The following CSGALNACT1 variants were observed in gnomAD, a reference collection of about 807,000 sequenced individuals.
CSGALNACT1 encodes the protein beta4GalNAcT-1.
A neutral mutation model predicts 51.0 loss-of-function variants in CSGALNACT1; 52 were observed. That is an observed-to-expected ratio of 1.02 (90% CI 0.82 to 1.29). The LOEUF is 1.29. Among genes scored for constraint, CSGALNACT1 ranks in the 50% most tolerant of loss-of-function variants. The pLI is 0.00. For synonymous variants in CSGALNACT1, 341 were observed against 254.4 expected (o/e 1.34, Z -3.24); for missense variants, 935 against 679.2 (o/e 1.38, Z -4.19).
intron 1 of CSGALNACT1, among the ~76,000 whole-genome samples, chr8:19,747,680 C>T (rs2064764942): frequency 6.6e-6 from 1 of 152,152 alleles, no homozygotes; most frequent in African/African-American, 2.4e-5. Context: ...CATTGCTTTG[C>T]ATTTGATTAA....
At chr8:19,433,212 C>CTGA (rs1423821329) in intron 6 of CSGALNACT1, among the ~76,000 whole-genome samples, 1 of 152,178 alleles carries the variant, frequency 6.6e-6, no homozygotes, top group African/African-American at 2.4e-5. Context: ...GTAAGTCTCT[C>CTGA]TGATTTCGCT....
intron 1 of CSGALNACT1, among the ~76,000 whole-genome samples, chr8:19,625,254 C>G (rs1383083644): frequency 1.3e-5 from 2 of 152,102 alleles, no homozygotes; most frequent in African/African-American, 4.8e-5. Flanking sequence ...AAACTGCAGT[C>G]TATTAAGGAG....
At chr8:19,705,097 T>C (rs1237793972) in intron 1 of CSGALNACT1, among the ~76,000 whole-genome samples, 1 of 151,910 alleles carries the variant, frequency 6.6e-6, no homozygotes, top group South Asian at 2.1e-4. Flanking sequence ...CACAAAAAGG[T>C]ACTATGTGAG....
intron 1 of CSGALNACT1, among the ~76,000 whole-genome samples, chr8:19,666,811 G>A (rs1480742270): frequency 3.8e-5 from 1 of 26,354 alleles, no homozygotes; most frequent in Non-Finnish European, 6.7e-5. Context: ...AAGAAAGAAA[G>A]AGAGAGAGAG....
chr8:19,629,797 G>A (rs2054961421), intron 1 of CSGALNACT1, among the ~76,000 whole-genome samples: 1 of 152,152 alleles, frequency 6.6e-6, no homozygotes, highest in Admixed American at 6.5e-5. Context: ...TGTCCAGTAA[G>A]GAAACCTATG....
intron 5 of CSGALNACT1, among the ~76,000 whole-genome samples, chr8:19,447,086 T>C (rs922684293): frequency 2.0e-5 from 3 of 152,204 alleles, no homozygotes; most frequent in Admixed American, 6.5e-5. Context: ...ACGCCTGCCC[T>C]GTGGAGGGCC....
At chr8:19,590,340 T>C (rs1050991632) in intron 3 of CSGALNACT1, among the ~76,000 whole-genome samples, 22 of 152,250 alleles carry the variant, frequency 1.4e-4, no homozygotes, top group African/African-American at 5.3e-4. Context: ...TAGACATCTA[T>C]TGGACATCAT....
chr8:19,586,375 A>G (rs2046641334), intron 3 of CSGALNACT1, among the ~76,000 whole-genome samples: 1 of 151,160 alleles, frequency 6.6e-6, no homozygotes, highest in East Asian at 1.9e-4. Flanking sequence ...CACAAACAAA[A>G]ACACAGTGGA....
intron 8 of CSGALNACT1, among the ~76,000 whole-genome samples, chr8:19,411,833 C>CTT (rs35593808): frequency 5.8e-4 from 78 of 135,636 alleles, no homozygotes; most frequent in African/African-American, 2.0e-3. Flanking sequence ...CACTATCCTC[C>CTT]TTTTTTTTTT....
chr8:19,687,360 G>A (rs185374801), upstream of CSGALNACT1, among the ~76,000 whole-genome samples: 12 of 152,270 alleles, frequency 7.9e-5, no homozygotes, highest in Admixed American at 4.6e-4. Flanking sequence ...TGACCCATCA[G>A]AAGTTTTGCT....
chr8:19,680,992 G>C (rs1453631612), intron 1 of CSGALNACT1, among the ~76,000 whole-genome samples: 2 of 152,132 alleles, frequency 1.3e-5, no homozygotes, highest in African/African-American at 4.8e-5. Flanking sequence ...TGACTGTACA[G>C]ACTGTATACA....
intron 1 of CSGALNACT1, among the ~76,000 whole-genome samples, chr8:19,679,972 A>T (rs575854118): frequency 2.0e-5 from 3 of 152,312 alleles, no homozygotes; most frequent in South Asian, 2.1e-4. Flanking sequence ...ACAGGTTATA[A>T]TGGACAAAGC....
At chr8:19,734,793 A>C (rs1302546298) in intron 1 of CSGALNACT1, among the ~76,000 whole-genome samples, 1 of 152,130 alleles carries the variant, frequency 6.6e-6, no homozygotes, top group African/African-American at 2.4e-5. Flanking sequence ...AAGTTACTGA[A>C]TGTCAAAACA....
chr8:19,426,720 T>C (rs1456448329), intron 6 of CSGALNACT1, among the ~76,000 whole-genome samples: 2 of 152,216 alleles, frequency 1.3e-5, no homozygotes, highest in African/African-American at 2.4e-5. Flanking sequence ...CACAGAGTCA[T>C]TTTTATAGAG....
chr8:19,725,677 C>T (rs1299459271), intron 1 of CSGALNACT1, among the ~76,000 whole-genome samples: 3 of 152,078 alleles, frequency 2.0e-5, no homozygotes, highest in Non-Finnish European at 4.4e-5. Context: ...CATGACTCAG[C>T]CTCCCAAAGT....
chr8:19,735,830 T>C (rs1207104197), intron 1 of CSGALNACT1, among the ~76,000 whole-genome samples: 2 of 152,150 alleles, frequency 1.3e-5, no homozygotes, highest in African/African-American at 2.4e-5. Context: ...AATATGTCAA[T>C]TGAACATTAA....
chr8:19,614,092 T>C (rs1207437376), intron 1 of CSGALNACT1, among the ~76,000 whole-genome samples: 2 of 152,250 alleles, frequency 1.3e-5, no homozygotes, highest in East Asian at 1.9e-4. Flanking sequence ...TAGAATCTTT[T>C]AGTTCTTTGA....
At chr8:19,476,443 T>C (rs533534561) in intron 4 of CSGALNACT1, among the ~76,000 whole-genome samples, 1 of 152,318 alleles carries the variant, frequency 6.6e-6, no homozygotes, top group East Asian at 1.9e-4. Flanking sequence ...GGTTTCGCCA[T>C]GTTGGCCAAG....
chr8:19,618,629 C>CAAAAAAAAAA (rs60787326), intron 1 of CSGALNACT1, among the ~76,000 whole-genome samples: 41 of 64,024 alleles, frequency 6.4e-4, no homozygotes, highest in South Asian at 1.1e-3. Flanking sequence ...AATACTCCAT[C>CAAAAAAAAAA]AAAAAAAAAA....
Sources: allele counts gnomAD v4.1 joint callset (sites outside exome capture counted in the v4.1 genomes callset), GRCh38; gene constraint gnomAD v4.1.1; transcripts MANE v1.5; gene names NCBI Gene and HGNC (gene_info 2026-07-23, HGNC 2026-07-21).